BCL11B: variants seen among roughly 807,000 people sequenced by gnomAD.
The protein encoded by BCL11B is B-cell lymphoma/leukemia 11B.
A neutral mutation model predicts 49.9 loss-of-function variants in BCL11B; 8 were observed. That is an observed-to-expected ratio of 0.16 (90% CI 0.09 to 0.29). The LOEUF is 0.29. BCL11B is among the 10% of genes least tolerant of loss of function. BCL11B has a pLI of 1.00. For synonymous variants in BCL11B, 739 were observed against 637.4 expected (o/e 1.16, Z -2.40); for missense variants, 1,006 against 1,351.0 (o/e 0.74, Z 4.00).
intron 3 of BCL11B, among the ~76,000 whole-genome samples, chr14:99,218,547 A>G (rs1887921305): frequency 6.6e-6 from 1 of 152,170 alleles, no homozygotes; most frequent in African/African-American, 2.4e-5. Context: ...TTCCTGAGAA[A>G]AAAAGGAACA....
intron 3 of BCL11B, among the ~76,000 whole-genome samples, chr14:99,187,662 CAA>C (rs11385017): frequency 8.8e-5 from 12 of 136,150 alleles, no homozygotes; most frequent in Non-Finnish European, 7.8e-5. Context: ...GATAAACAGG[CAA>C]AAAAAAAAAA....
chr14:99,211,904 T>C (rs572880566), intron 3 of BCL11B, among the ~76,000 whole-genome samples: 14 of 152,120 alleles, frequency 9.2e-5, no homozygotes, highest in African/African-American at 3.4e-4. Flanking sequence ...TTCTTACTTA[T>C]AAGAAGAAGA....
rs568874510 is a variant in BCL11B at position 99,213,773 on chromosome 14, C to A, written c.640+17572G>T. ...ATCCTGTCCCCTCTCTGGGGCACTG[C>A]TTGGAGAGCATCTGGCAACAAGGCA... On this transcript the variant is annotated intron_variant, in intron 3 of 3. Coordinates refer to ENST00000357195, the MANE Select transcript of BCL11B (RefSeq NM_138576.4). The surrounding 1 kb of genome is among the most constrained non-coding windows in gnomAD (Gnocchi z 5.1). Among the ~76,000 whole-genome samples, 1 of 152,312 alleles carries A rather than the reference C, an allele frequency of 6.6e-6. No homozygotes were observed. The highest frequency in any genetic ancestry group is 1.5e-5 in the Non-Finnish European group (1 of 68,018).
intron 2 of BCL11B, among the ~76,000 whole-genome samples, chr14:99,250,613 GCAA>G (rs1888980689): frequency 6.6e-6 from 1 of 151,966 alleles, no homozygotes; most frequent in Non-Finnish European, 1.5e-5. Context: ...ATGCAAATGA[GCAA>G]CAACCACTCA....
intron 1 of BCL11B, among the ~76,000 whole-genome samples, chr14:99,269,041 G>A (rs928722630): frequency 1.3e-5 from 2 of 151,860 alleles, no homozygotes; most frequent in Admixed American, 6.5e-5. Context: ...AGGAGAAGGA[G>A]AGCCAAAGCA....
In BCL11B at chr14:99,176,095, G is replaced by A. The variant is rs779088184; in HGVS notation, c.741C>T (p.Arg247=). The A allele has an allele frequency of 8.1e-6, 13 of 1,609,076 alleles. No individual in the cohort carries two copies. The highest frequency in any genetic ancestry group is 1.1e-5 in the South Asian group (1 of 90,816). The change falls in exon 4 of 4, where the codon CGC becomes CGT. Residue 247 remains arginine (R), a synonymous_variant. Transcript: ENST00000357195. ...LQHAQNTHGF[R]IYLEPGPASS... is the part of the protein sequence containing the mutation. Reference sequence around the variant, plus strand: ...TGGCCGGCCCGGGCTCCAGGTAGATGCGGAAGCCGTGCGTGTTCTGCGCGT... The same window carrying A: ...TGGCCGGCCCGGGCTCCAGGTAGATACGGAAGCCGTGCGTGTTCTGCGCGT...
intron 3 of BCL11B, among the ~76,000 whole-genome samples, chr14:99,217,715 C>T (rs1001231469): frequency 6.6e-6 from 1 of 152,168 alleles, no homozygotes; most frequent in East Asian, 1.9e-4. Context: ...ACAGAAGCCA[C>T]GGTAGGCTGG....
Position 99,231,564 on chromosome 14 carries a change from A to G in BCL11B, c.428-7T>C. The G allele has an allele frequency of 1.3e-6, 2 of 1,561,956 alleles. No individual in the cohort carries two copies. The highest frequency in any genetic ancestry group is 1.7e-6 in the Non-Finnish European group (2 of 1,152,858). Reference sequence around the variant, plus strand: ...TGGGCAGGCCTGCACGGCCCTGGAGAAAAAACAATAGAAAAGACTGGTCAG... The same window carrying G: ...TGGGCAGGCCTGCACGGCCCTGGAGGAAAAACAATAGAAAAGACTGGTCAG... On this transcript the variant is annotated splice_region_variant and splice_polypyrimidine_tract_variant and intron_variant, in intron 2 of 3. Transcript: ENST00000357195. The surrounding 1 kb of genome is among the most constrained non-coding windows in gnomAD (Gnocchi z 8.1).
chr14:99,222,715 C>T (rs1376825427), intron 3 of BCL11B, among the ~76,000 whole-genome samples: 1 of 152,158 alleles, frequency 6.6e-6, no homozygotes, highest in Non-Finnish European at 1.5e-5. Flanking sequence ...ACACCACATC[C>T]ACACCTGTCA....
intron 2 of BCL11B, among the ~76,000 whole-genome samples, chr14:99,240,307 C>T (rs910396636): frequency 1.3e-5 from 2 of 152,144 alleles, no homozygotes; most frequent in African/African-American, 4.8e-5. Flanking sequence ...CAATTGATTT[C>T]TACTATTGTA....
chr14:99,188,707 C>CA (rs1250674747), intron 3 of BCL11B, among the ~76,000 whole-genome samples: 1 of 152,148 alleles, frequency 6.6e-6, no homozygotes, highest in African/African-American at 2.4e-5. Flanking sequence ...CTCTGCCCCC[C>CA]ACAGTGGGCT....
intron 3 of BCL11B, among the ~76,000 whole-genome samples, chr14:99,210,474 G>T (rs1887655542): frequency 6.6e-6 from 1 of 151,966 alleles, no homozygotes; most frequent in Non-Finnish European, 1.5e-5. Context: ...TACTGAAAAG[G>T]TTTTCTCCAG....
rs151064650 is a variant in BCL11B at position 99,224,753 on chromosome 14, A to G, written c.640+6592T>C. 6.9e-4 allele frequency among the ~76,000 whole-genome samples: 105 copies of G among 152,308 alleles called. No homozygotes were observed. The East Asian group carries it at 0.016, about 24-fold the overall frequency. On this transcript the variant is annotated intron_variant, in intron 3 of 3. Coordinates refer to ENST00000357195, the MANE Select transcript of BCL11B (RefSeq NM_138576.4). ...CCCCATTTTACAGGTGGGGACACTG[A>G]AGATTGGAGAGAGGAAGTAAGTGGC...
rs61203430 is a variant in BCL11B, at chr14:99,252,261, G to A, written c.427+5210C>T. Among the ~76,000 whole-genome samples the A allele has an allele frequency of 7.9e-3, 1,199 of 152,250 alleles. 13 individuals are homozygous for A. Among genetic ancestry groups the A allele is most frequent in the Admixed American group, 0.025 (376 of 15,290 alleles). On this transcript the variant is annotated intron_variant, in intron 2 of 3. Transcript: ENST00000357195. ...ATGCCACAACACACATGGATTTAAC[G>A]CATCTTAATTTGAAGGGAAAATAAC... is the stretch of plus-strand genomic sequence containing the variant.
intron 3 of BCL11B, among the ~76,000 whole-genome samples, chr14:99,199,699 CGTGCACGTGTGTGCGTGT>C (rs1261115593): frequency 4.7e-5 from 3 of 63,896 alleles, no homozygotes; most frequent in Non-Finnish European, 1.5e-4. Flanking sequence ...CGCGCGCGCA[CGTGCACGTGTGTGCGTGT>C]GTGCATGCAT....
chr14:99,205,431 C>T lies in BCL11B; in HGVS notation c.640+25914G>A, dbSNP rs1018223413. ...TCGCGGACTCTCCCAAAGCCTGCATCTCCCACTTCTACAATGACTGGTTAA... is the reference window on the plus strand; with the variant it reads ...TCGCGGACTCTCCCAAAGCCTGCATTTCCCACTTCTACAATGACTGGTTAA... On this transcript the variant is annotated intron_variant, in intron 3 of 3. Coordinates refer to ENST00000357195, the MANE Select transcript of BCL11B (RefSeq NM_138576.4). This position sits in a 1 kb window ranked among gnomAD's most constrained non-coding sequence, Gnocchi z 5.0. Among the ~76,000 whole-genome samples, 2 of 152,182 alleles carry T rather than the reference C, an allele frequency of 1.3e-5. No homozygotes were observed. Among genetic ancestry groups the T allele is most frequent in the Non-Finnish European group, 2.9e-5 (2 of 68,024 alleles).
rs897835098 is a variant in BCL11B at position 99,169,682 on chromosome 14, T to C, written c.*4469A>G. On this transcript the variant is annotated 3_prime_UTR_variant, in exon 4 of 4. Transcript: ENST00000357195. Reference sequence around the variant, plus strand: ...CCTTGCCAGTACAAATGCAAACAACTTAAATCAATGGGACTTTGCTTTGCA... The same window carrying C: ...CCTTGCCAGTACAAATGCAAACAACCTAAATCAATGGGACTTTGCTTTGCA... The C allele has an allele frequency of 2.3e-5, 5 of 219,232 alleles. No homozygotes were observed. The East Asian group carries it at 3.4e-4, about 15-fold the overall frequency. The allele number at this position is 219,232 out of a possible 1,614,324, so 13.6% of individuals were successfully genotyped here.
intron 3 of BCL11B, among the ~76,000 whole-genome samples, chr14:99,203,430 A>T (rs1302004826): frequency 1.3e-5 from 2 of 152,188 alleles, no homozygotes; most frequent in African/African-American, 4.8e-5. Context: ...CTGAATCCAG[A>T]ACTTTAATTT....
chr14:99,186,717 A>G (rs1886864153), intron 3 of BCL11B, among the ~76,000 whole-genome samples: 1 of 152,228 alleles, frequency 6.6e-6, no homozygotes, highest in Non-Finnish European at 1.5e-5. Flanking sequence ...ATCCCATCAT[A>G]GTGAAAACTT....
Sources: allele counts gnomAD v4.1 joint callset (sites outside exome capture counted in the v4.1 genomes callset), GRCh38; gene constraint gnomAD v4.1.1; non-coding constraint Gnocchi (gnomAD v3.1); transcripts MANE v1.5; gene names NCBI Gene and HGNC (gene_info 2026-07-23, HGNC 2026-07-21).